The following FRRS1 variants were observed in gnomAD, a reference collection of about 807,000 sequenced individuals.
The protein encoded by FRRS1 is ferric chelate reductase 1.
Under a neutral mutation model 70.7 loss-of-function variants are expected in FRRS1, and 51 were observed. The observed-to-expected ratio is 0.72, with a 90% CI of 0.58 to 0.91. FRRS1 has a LOEUF of 0.91. Ranked by LOEUF, FRRS1 falls within the 40% of genes least tolerant of loss-of-function variation. FRRS1 has a pLI of 0.00. For missense variants in FRRS1, 672 were observed against 726.0 expected (o/e 0.93, Z 0.86); for synonymous variants, 225 against 238.7 (o/e 0.94, Z 0.53).
In FRRS1 at chr1:99,742,131, G is replaced by A; in HGVS notation, c.428+48C>T. On this transcript the variant is annotated intron_variant, in intron 5 of 16. Coordinates refer to ENST00000646001, the MANE Select transcript of FRRS1 (RefSeq NM_001361041.2). ...GGCATCCCAAAGTGCTGGGATTATAGGCATGAGCCACCATGCCTGGCCCAG... is the reference window on the plus strand; with the variant it reads ...GGCATCCCAAAGTGCTGGGATTATAAGCATGAGCCACCATGCCTGGCCCAG... The A allele has an allele frequency of 5.1e-6, 6 of 1,187,660 alleles. No homozygotes were observed. The South Asian group carries it at 6.2e-5, about 12-fold the overall frequency. 73.6% of individuals were successfully genotyped at this position (1,187,660 alleles called of 1,614,324 possible).
chr1:99,719,051 T>C (rs1249841350), intron 10 of FRRS1, among the ~76,000 whole-genome samples: 1 of 138,398 alleles, frequency 7.2e-6, no homozygotes, highest in Admixed American at 7.1e-5. Context: ...AGATAGATGA[T>C]GCTTACCAAC....
intron 7 of FRRS1, among the ~76,000 whole-genome samples, chr1:99,730,726 G>A (rs1040404260): frequency 2.0e-5 from 3 of 152,138 alleles, no homozygotes; most frequent in African/African-American, 7.2e-5. Context: ...AATTAGCTGG[G>A]CATGGTAGTG....
intron 11 of FRRS1, among the ~76,000 whole-genome samples, chr1:99,715,936 G>A (rs1654501829): frequency 1.3e-5 from 2 of 152,128 alleles, no homozygotes. Context: ...CAGCAGGAAT[G>A]GATATTTCAC....
At position 99,748,647 on chromosome 1, in the gene FRRS1, T is replaced by C. The variant is rs1363465286; in HGVS notation, c.122A>G (p.His41Arg). The C allele has an allele frequency of 1.2e-6, 2 of 1,613,948 alleles. No individual in the cohort carries two copies. The highest frequency in any genetic ancestry group is 1.7e-6 in the Non-Finnish European group (2 of 1,179,918). The change falls in exon 3 of 17, where the codon CAT becomes CGT. Residue 41 changes from histidine to arginine, a missense_variant. His to Arg is a conservative substitution (Grantham distance 29). Transcript: ENST00000646001. ...ATGAACAGGAACAGACTGTGGACTATGACCATGTTCAGGAATCATTCCATG... is the reference window on the plus strand; with the variant it reads ...ATGAACAGGAACAGACTGTGGACTACGACCATGTTCAGGAATCATTCCATG... Reference protein sequence around the residue: ...SCHGMIPEHGHSPQSVPVHDI... With the variant: ...SCHGMIPEHGRSPQSVPVHDI...
In FRRS1 at chr1:99,705,177, A is replaced by G. The variant is rs1455684804; in HGVS notation, c.*3851T>C. ...GGAGCCCCACAGCCTGCCCATCTGTATGCTCCCCTAGATTTGAGCAGTGGG... is the reference window on the plus strand; with the variant it reads ...GGAGCCCCACAGCCTGCCCATCTGTGTGCTCCCCTAGATTTGAGCAGTGGG... On this transcript the variant is annotated 3_prime_UTR_variant, in exon 17 of 17. Transcript: ENST00000646001. Among the ~76,000 whole-genome samples, 1 of 152,122 alleles carries G rather than the reference A, an allele frequency of 6.6e-6. No homozygotes were observed. The highest frequency in any genetic ancestry group is 1.5e-5 in the Non-Finnish European group (1 of 68,024).
intron 9 of FRRS1, among the ~76,000 whole-genome samples, chr1:99,722,709 A>T (rs904151024): frequency 3.3e-5 from 5 of 152,352 alleles, no homozygotes; most frequent in African/African-American, 7.2e-5. Flanking sequence ...ACCATAAAGG[A>T]TATCCACAAG....
intron 1 of FRRS1, among the ~76,000 whole-genome samples, chr1:99,753,922 T>C (rs1170649583): frequency 6.6e-6 from 1 of 152,208 alleles, no homozygotes; most frequent in Admixed American, 6.5e-5. Context: ...AAGACACATA[T>C]AGATTAAAAG....
At chr1:99,742,366 A>T in intron 4 of FRRS1, 93 bp from the exon 5 acceptor site, 1 of 759,502 alleles carries the variant, frequency 1.3e-6, no homozygotes, top group Non-Finnish European at 2.3e-6. Flanking sequence ...TTATCATTGC[A>T]TGACATTAGC....
At chr1:99,761,068 T>C (rs749675408) in intron 1 of FRRS1, among the ~76,000 whole-genome samples, 2 of 152,084 alleles carry the variant, frequency 1.3e-5, no homozygotes, top group African/African-American at 2.4e-5. Context: ...AATCTAATCC[T>C]AGTTTCTCTA....
In FRRS1 at chr1:99,738,071, G is replaced by A. The variant is rs764338779; in HGVS notation, c.759+15C>T. On this transcript the variant is annotated intron_variant, in intron 7 of 16. Transcript: ENST00000646001. Reference sequence around the variant, plus strand: ...TCTCCTTTTGTTACCACTTATGTAAGTGAGAGGTACCAACCATCCACTGAT... The same window carrying A: ...TCTCCTTTTGTTACCACTTATGTAAATGAGAGGTACCAACCATCCACTGAT... 6.3e-6 allele frequency: 10 copies of A among 1,587,986 alleles called. No individual in the cohort carries two copies. The African/African-American group carries it at 1.2e-4, about 20-fold the overall frequency.
intron 14 of FRRS1, chr1:99,711,365 G>A (rs763370421): frequency 5.4e-4 from 85 of 157,850 alleles, no homozygotes; most frequent in Non-Finnish European, 8.1e-4. Flanking sequence ...ATTTATAAGT[G>A]AGAACATGTG....
At chr1:99,736,780 TA>T (rs368335618) in intron 7 of FRRS1, among the ~76,000 whole-genome samples, 1 of 117,106 alleles carries the variant, frequency 8.5e-6, no homozygotes, top group African/African-American at 3.6e-5. Context: ...AATAATAAAA[TA>T]AAAATAAATA....
At chr1:99,744,363 T>C (rs776543430) in intron 4 of FRRS1, among the ~76,000 whole-genome samples, 27 of 152,330 alleles carry the variant, frequency 1.8e-4, no homozygotes, top group Non-Finnish European at 3.5e-4. Context: ...AAAGTTTGGC[T>C]TTTAAAATGT....
At position 99,728,489 on chromosome 1, in the gene FRRS1, T is replaced by C; in HGVS notation, c.1006+4A>G. 6.2e-7 allele frequency: 1 copy of C among 1,606,718 alleles called. No homozygotes were observed. Among genetic ancestry groups the C allele is most frequent in the Non-Finnish European group, 8.5e-7 (1 of 1,174,504 alleles). On this transcript the variant is annotated splice_donor_region_variant and intron_variant, in intron 9 of 16. Coordinates refer to ENST00000646001, the MANE Select transcript of FRRS1 (RefSeq NM_001361041.2). ...TTGAAAAGACAGCTTAACAATATAC[T>C]TACCATCATTAGCTGCACCATCTGC...
At chr1:99,752,984 T>C (rs1003124531) in intron 1 of FRRS1, among the ~76,000 whole-genome samples, 2 of 149,442 alleles carry the variant, frequency 1.3e-5, no homozygotes, top group Non-Finnish European at 3.0e-5. Context: ...AGGCTGAGGA[T>C]GAAGGATCCC....
rs2100898675 is a variant in FRRS1, at chr1:99,710,874, C to A, written c.1556G>T (p.Gly519Val). ...PDSWKTYAMT[G>V]FVAWHVGTEV... ...AGTCCCAACATGCCAGGCTACGAAT[C>A]CGGTCATTGCATAGGTTTTCCATGA... is the stretch of plus-strand genomic sequence containing the variant. The change falls in exon 15 of 17, where the codon GGA becomes GTA. Residue 519 changes from glycine to valine, a missense_variant. Physicochemically the swap from Gly to Val is moderately radical, Grantham distance 109 (BLOSUM62 -3). Coordinates refer to ENST00000646001, the MANE Select transcript of FRRS1 (RefSeq NM_001361041.2). The A allele has an allele frequency of 1.2e-6, 2 of 1,613,928 alleles. No homozygotes were observed. The highest frequency in any genetic ancestry group is 2.2e-5 in the East Asian group (1 of 44,862).
chr1:99,744,969 C>CAAAAAAAAA (rs71075450), intron 4 of FRRS1, among the ~76,000 whole-genome samples: 3 of 91,766 alleles, frequency 3.3e-5, no homozygotes, highest in Non-Finnish European at 4.3e-5. Context: ...GACTCCGTCT[C>CAAAAAAAAA]AAAAAAAAAA....
chr1:99,761,878 T>C (rs1313275752), intron 1 of FRRS1, among the ~76,000 whole-genome samples: 1 of 152,188 alleles, frequency 6.6e-6, no homozygotes, highest in Admixed American at 6.5e-5. Context: ...GAAGAAATAA[T>C]AGTAGAAGAG....
intron 7 of FRRS1, among the ~76,000 whole-genome samples, chr1:99,734,163 A>G (rs1039547421): frequency 1.3e-5 from 2 of 152,230 alleles, no homozygotes; most frequent in African/African-American, 4.8e-5. Flanking sequence ...TAACAACCAA[A>G]TGCCCTGAGT....
Sources: gnomAD v4.1 joint callset for allele counts (sites outside exome capture counted in the v4.1 genomes callset) on GRCh38, gnomAD v4.1.1 for gene constraint, MANE v1.5 for transcripts, NCBI Gene and HGNC (gene_info 2026-07-23, HGNC 2026-07-21) for gene names.